MYO7B: variants seen among roughly 807,000 people sequenced by gnomAD.
MYO7B encodes the protein myosin VIIB.
In MYO7B, 212 loss-of-function variants were observed where a neutral mutation model predicts 259.7. That is an observed-to-expected ratio of 0.82 (90% CI 0.73 to 0.91). The LOEUF is 0.91. Ranked by LOEUF, MYO7B falls within the 40% of genes least tolerant of loss-of-function variation. The pLI is 0.00. For synonymous variants in MYO7B, 1,197 were observed against 1,166.4 expected (o/e 1.03, Z -0.54); for missense variants, 2,732 against 2,813.5 (o/e 0.97, Z 0.66).
intron 3 of MYO7B, among the ~76,000 whole-genome samples, chr2:127,564,597 A>T (rs1281097496): frequency 6.6e-6 from 1 of 152,192 alleles, no homozygotes; most frequent in East Asian, 1.9e-4. Context: ...TGCACAAGTA[A>T]GAGGCCAGCA....
intron 12 of MYO7B, 133 bp downstream of exon 12, chr2:127,582,579 C>T: frequency 9.2e-7 from 1 of 1,081,946 alleles, no homozygotes; most frequent in African/African-American, 1.6e-5. Context: ...GATCCGTGTG[C>T]TCTGCATGGG....
Position 127,590,763 on chromosome 2 carries a change from C to A in MYO7B, c.1992+534C>A, listed in dbSNP as rs999068613. Among the ~76,000 whole-genome samples the A allele has an allele frequency of 1.7e-4, 26 of 152,232 alleles. No homozygotes were observed. The highest frequency in any genetic ancestry group is 6.3e-4 in the African/African-American group (26 of 41,456). ...CCCTGCTCCATTGGGTGGGGAGTCC[C>A]ACCCAGAGGCCGCATATGCAGGGAT... On this transcript the variant is annotated intron_variant, in intron 16 of 47. Transcript: ENST00000409816. This position sits in a 1 kb window ranked among gnomAD's most constrained non-coding sequence, Gnocchi z 4.6.
rs1481482477 is a variant in MYO7B, at chr2:127,614,218, A to G, written c.3398+1615A>G. On this transcript the variant is annotated intron_variant, in intron 26 of 47. Transcript: ENST00000409816. This position sits in a 1 kb window ranked among gnomAD's most constrained non-coding sequence, Gnocchi z 4.6. ...GCACTCCCATACAGTGCTGGTGTCC[A>G]GCAGTGATACTGTCCAACACTGATC... 6.6e-6 allele frequency among the ~76,000 whole-genome samples: 1 copy of G among 152,186 alleles called. No homozygotes were observed. The highest frequency in any genetic ancestry group is 1.5e-5 in the Non-Finnish European group (1 of 68,036).
intron 14 of MYO7B, 63 bp from the exon 15 acceptor site, chr2:127,588,329 C>T (rs1410080019): frequency 6.4e-7 from 1 of 1,574,272 alleles, no homozygotes; most frequent in Non-Finnish European, 8.6e-7. Flanking sequence ...CTGCCCTCTT[C>T]TTCCCCATGG....
chr2:127,636,967 A>C lies in MYO7B; in HGVS notation c.6327+54A>C, dbSNP rs142926249. 3 of 1,599,822 alleles carry C rather than the reference A, an allele frequency of 1.9e-6. No individual in the cohort carries two copies. The African/African-American group carries it at 4.0e-5, about 21-fold the overall frequency. On this transcript the variant is annotated intron_variant, in intron 47 of 47. Transcript: ENST00000409816. This position sits in a 1 kb window ranked among gnomAD's most constrained non-coding sequence, Gnocchi z 4.5. ...GATGCATAGGACAGAGCTGCTGGAGACTGGGTTCCCCACCCTCACCCCTTT... is the reference window on the plus strand; with the variant it reads ...GATGCATAGGACAGAGCTGCTGGAGCCTGGGTTCCCCACCCTCACCCCTTT...
At position 127,581,943 on chromosome 2, in the gene MYO7B, G is replaced by A. The variant is rs563118213; in HGVS notation, c.1133G>A (p.Arg378Gln). Residue 378 changes from arginine to glutamine, a missense_variant, in exon 11 of 48, where the codon CGA (arginine) becomes CAA (glutamine). Transcript: ENST00000409816. The stretch of plus-strand genomic sequence containing the variant: ...CTGATCAAGCACACCATCCTCATCC[G>A]AGGGGAATTTGTCACCAGGTCCCTG... ...DCLIKHTILI[R>Q]GEFVTRSLNI... is the part of the protein sequence containing the mutation. The A allele has an allele frequency of 2.2e-5, 35 of 1,613,912 alleles. No homozygotes were observed. The highest frequency in any genetic ancestry group is 1.1e-4 in the East Asian group (5 of 44,874).
rs4662586 is a variant in MYO7B, at chr2:127,634,483, G to T, written c.5626-113G>T. ...ACACGCCAATAGCCCACGCACAGCC[G>T]ACTCCAGCGCAGCACCCAGGCCGTA... On this transcript the variant is annotated intron_variant, in intron 41 of 47. Transcript: ENST00000409816. 12 of 1,001,922 alleles carry T rather than the reference G, an allele frequency of 1.2e-5. No individual in the cohort carries two copies. In the African/African-American group the frequency reaches 1.3e-4, roughly 11 times the overall value. The allele number at this position is 1,001,922 out of a possible 1,614,324, so 62.1% of individuals were successfully genotyped here. A position where few individuals can be genotyped will look rare whatever the true frequency, so the allele number is the denominator to read the frequency against.
chr2:127,612,626 G>C, intron 26 of MYO7B, 23 bp downstream of exon 26: 1 of 1,606,100 alleles, frequency 6.2e-7, no homozygotes, highest in African/African-American at 1.3e-5. Context: ...TCCCATCCCG[G>C]CCCCATTCAG....
Position 127,607,437 on chromosome 2 carries a change from C to T in MYO7B, c.2643+13C>T, listed in dbSNP as rs1475535342. The T allele has an allele frequency of 1.0e-5, 16 of 1,549,848 alleles. No homozygotes were observed. Among genetic ancestry groups the T allele is most frequent in the Non-Finnish European group, 1.4e-5 (16 of 1,146,446 alleles). On this transcript the variant is annotated intron_variant, in intron 21 of 47. Coordinates refer to ENST00000409816, the MANE Select transcript of MYO7B (RefSeq NM_001393586.1). The surrounding 1 kb of genome is among the most constrained non-coding windows in gnomAD (Gnocchi z 4.4). Reference sequence around the variant, plus strand: ...AAGGAAGGCCAATGTAGGTGGTCACCTGGCCTCTTGGGCAGGTGGGGCTGG... The same window carrying T: ...AAGGAAGGCCAATGTAGGTGGTCACTTGGCCTCTTGGGCAGGTGGGGCTGG...
Position 127,569,816 on chromosome 2 carries a change from G to C in MYO7B, c.498G>C (p.Glu166Asp), listed in dbSNP as rs780508407. ...GCGAGTCTGGGGCTGGCAAGACGGA[G>C]ACCACCAAGCTCATCCTGCAGTTCC... Reference protein sequence around the residue: ...ISGESGAGKTETTKLILQFLA... With the variant: ...ISGESGAGKTDTTKLILQFLA... Residue 166 changes from glutamate to aspartate, a missense_variant, in exon 6 of 48, where the codon GAG (glutamate) becomes GAC (aspartate). Transcript: ENST00000409816. The C allele has an allele frequency of 4.3e-6, 7 of 1,612,722 alleles. No homozygotes were observed. The African/African-American group carries it at 6.7e-5, about 15-fold the overall frequency.
rs752656000 is a variant in MYO7B, at chr2:127,586,083, C to A, written c.1690+1170C>A. Among the ~76,000 whole-genome samples the A allele has an allele frequency of 3.9e-5, 6 of 152,160 alleles. No homozygotes were observed. The highest frequency in any genetic ancestry group is 1.2e-4 in the African/African-American group (5 of 41,430). Reference sequence around the variant, plus strand: ...TTCATTTTGAAGAAGTCCAACTTATCTATTTTCCTTTCTTTGCTTGTGTCA... The same window carrying A: ...TTCATTTTGAAGAAGTCCAACTTATATATTTTCCTTTCTTTGCTTGTGTCA... On this transcript the variant is annotated intron_variant, in intron 14 of 47. Transcript: ENST00000409816. This position sits in a 1 kb window ranked among gnomAD's most constrained non-coding sequence, Gnocchi z 4.8.
chr2:127,556,896 C>T (rs1050149720), intron 1 of MYO7B, among the ~76,000 whole-genome samples: 2 of 152,076 alleles, frequency 1.3e-5, no homozygotes, highest in Non-Finnish European at 2.9e-5. Context: ...ATGAATTTCC[C>T]AGGTGTTCTT....
intron 18 of MYO7B, among the ~76,000 whole-genome samples, chr2:127,594,793 T>A (rs1679700267): frequency 6.6e-6 from 1 of 152,256 alleles, no homozygotes; most frequent in Admixed American, 6.5e-5. Flanking sequence ...TTGCATATGT[T>A]GAACCAGTCT....
intron 1 of MYO7B, among the ~76,000 whole-genome samples, chr2:127,543,037 G>C (rs1316486071): frequency 1.3e-5 from 2 of 152,190 alleles, no homozygotes; most frequent in African/African-American, 4.8e-5. Context: ...TCTATTCCCA[G>C]GGACGAGCAG....
Position 127,566,627 on chromosome 2 carries a change from C to T in MYO7B, c.286-16C>T, listed in dbSNP as rs1678355804. On this transcript the variant is annotated splice_polypyrimidine_tract_variant and intron_variant, in intron 4 of 47. Transcript: ENST00000409816. ...TGCCAGGGGCAGAGGGCACTGACCA[C>T]CTGCTTCCTTCCCAGACATACACAG... The T allele has an allele frequency of 1.3e-6, 2 of 1,558,106 alleles. No individual in the cohort carries two copies. Among genetic ancestry groups the T allele is most frequent in the Admixed American group, 1.9e-5 (1 of 52,842 alleles).
chr2:127,544,646 T>G (rs1306124390), intron 1 of MYO7B, among the ~76,000 whole-genome samples: 1 of 149,712 alleles, frequency 6.7e-6, no homozygotes, highest in Non-Finnish European at 1.5e-5. Context: ...AGTGGCGCTA[T>G]CTCGGCTCAC....
chr2:127,624,365 GA>G (rs1681001692), intron 30 of MYO7B, 45 bp downstream of exon 30: 1 of 1,522,376 alleles, frequency 6.6e-7, no homozygotes, highest in Non-Finnish European at 8.9e-7. Context: ...TTGCCATCAG[GA>G]AACATCCCAT....
intron 2 of MYO7B, 36 bp from the exon 3 acceptor site, chr2:127,564,117 C>T (rs1346474109): frequency 6.5e-6 from 9 of 1,386,766 alleles, no homozygotes; most frequent in African/African-American, 2.8e-5. Flanking sequence ...GAAGAGAGAG[C>T]GGGGATCACA....
At chr2:127,573,266 T>C (rs1678721713) in intron 6 of MYO7B, among the ~76,000 whole-genome samples, 1 of 152,212 alleles carries the variant, frequency 6.6e-6, no homozygotes, top group South Asian at 2.1e-4. Context: ...AGCACGTCAC[T>C]CTTCATAAGA....
Sources: allele counts gnomAD v4.1 joint callset (sites outside exome capture counted in the v4.1 genomes callset), GRCh38; gene constraint gnomAD v4.1.1; non-coding constraint Gnocchi (gnomAD v3.1); transcripts MANE v1.5; gene names NCBI Gene and HGNC (gene_info 2026-07-23, HGNC 2026-07-21).